The following APLF variants were observed in gnomAD, a reference collection of about 807,000 sequenced individuals.
The protein encoded by APLF is aprataxin and PNK-like factor.
Under a neutral mutation model 55.6 loss-of-function variants are expected in APLF, and 61 were observed. That is an observed-to-expected ratio of 1.10 (90% CI 0.89 to 1.36). The LOEUF is 1.36. APLF is among the 40% of genes most tolerant of loss of function. The pLI is 0.00. For synonymous variants in APLF, 207 were observed against 214.8 expected, an observed-to-expected ratio of 0.96 and a Z score of 0.32; for missense variants, 611 against 602.5, an observed-to-expected ratio of 1.01 and a Z score of -0.15.
chr2:68,520,097 T>C (rs1182890154), intron 5 of APLF, among the ~76,000 whole-genome samples: 1 of 152,100 alleles, frequency 6.6e-6, no homozygotes, highest in Non-Finnish European at 1.5e-5. Context: ...CATATGTTTG[T>C]TGTCCATTTG....
intron 2 of APLF, 108 bp downstream of exon 2, chr2:68,490,369 A>C (rs1676321683): frequency 1.3e-6 from 1 of 752,998 alleles, no homozygotes. Context: ...TTAATGTCAG[A>C]ATATACCCTT....
chr2:68,542,300 A>T (rs1670574004), intron 7 of APLF, among the ~76,000 whole-genome samples: 1 of 150,402 alleles, frequency 6.6e-6, no homozygotes, highest in Non-Finnish European at 1.5e-5. Context: ...AAATAGAAAA[A>T]TTGGACTTTT....
chr2:68,534,457 G>A (rs1199106718), intron 6 of APLF, among the ~76,000 whole-genome samples: 1 of 152,144 alleles, frequency 6.6e-6, no homozygotes, highest in Non-Finnish European at 1.5e-5. Flanking sequence ...AATTGTTCTA[G>A]GTGGAAGTTC....
intron 3 of APLF, among the ~76,000 whole-genome samples, chr2:68,509,665 C>T (rs1282831721): frequency 6.6e-6 from 1 of 152,072 alleles, no homozygotes; most frequent in Non-Finnish European, 1.5e-5. Flanking sequence ...TGTGGCGATT[C>T]CTCAGGGATC....
chr2:68,480,637 C>T (rs1675924652), intron 1 of APLF, among the ~76,000 whole-genome samples: 1 of 151,854 alleles, frequency 6.6e-6, no homozygotes, highest in African/African-American at 2.4e-5. Context: ...CTGGCTAGGA[C>T]TAATAGTACT....
At chr2:68,483,961 G>C (rs150568799) in intron 1 of APLF, among the ~76,000 whole-genome samples, 3,874 of 152,060 alleles carry the variant, frequency 0.025, 64 homozygotes, top group South Asian at 0.042. Context: ...TGAAATGAAA[G>C]GTACCACCCT....
intron 7 of APLF, among the ~76,000 whole-genome samples, chr2:68,539,921 A>G (rs939266368): frequency 1.3e-5 from 2 of 152,194 alleles, no homozygotes; most frequent in African/African-American, 4.8e-5. Flanking sequence ...AAAAAGAAAT[A>G]ACATGTAGAG....
At chr2:68,485,736 C>G in intron 1 of APLF, among the ~76,000 whole-genome samples, 1 of 151,748 alleles carries the variant, frequency 6.6e-6, no homozygotes, top group South Asian at 2.1e-4. Context: ...GCCTTACCCT[C>G]TGATAATACT....
chr2:68,489,597 T>G (rs1676292359), intron 1 of APLF, among the ~76,000 whole-genome samples: 2 of 152,234 alleles, frequency 1.3e-5, no homozygotes, highest in Non-Finnish European at 2.9e-5. Context: ...TAAAAAATGC[T>G]AATTTATTTC....
chr2:68,575,442 A>G (rs1671594805), intron 9 of APLF, among the ~76,000 whole-genome samples: 1 of 152,268 alleles, frequency 6.6e-6, no homozygotes, highest in African/African-American at 2.4e-5. Flanking sequence ...TTTAGATTTT[A>G]TTTAGAGTGA....
rs1676722349 is a variant in APLF, at chr2:68,501,519, A to G, written c.169-1212A>G. ...TTAAAAACCCAGTGATATTATGACAAAATGCCTATTTGACTTATGGAAAGA... is the reference window on the plus strand; with the variant it reads ...TTAAAAACCCAGTGATATTATGACAGAATGCCTATTTGACTTATGGAAAGA... On this transcript the variant is annotated intron_variant, in intron 2 of 9. Transcript: ENST00000303795. Among the ~76,000 whole-genome samples the G allele has an allele frequency of 2.6e-5, 4 of 152,168 alleles. No homozygotes were observed. In the South Asian group the frequency reaches 8.3e-4, roughly 32 times the overall value.
At chr2:68,479,391 A>C (rs1675882377) in intron 1 of APLF, among the ~76,000 whole-genome samples, 1 of 152,246 alleles carries the variant, frequency 6.6e-6, no homozygotes. Context: ...AATCAAATAA[A>C]TTATGGAAGA....
At chr2:68,482,565 G>A (rs527861598) in intron 1 of APLF, among the ~76,000 whole-genome samples, 13 of 152,280 alleles carry the variant, frequency 8.5e-5, no homozygotes, top group South Asian at 2.1e-4. Context: ...GGGTGCTGGT[G>A]TGCAGAGACC....
chr2:68,471,014 C>T (rs572218958), intron 1 of APLF, among the ~76,000 whole-genome samples: 1 of 152,346 alleles, frequency 6.6e-6, no homozygotes, highest in Admixed American at 6.5e-5. Flanking sequence ...TTCCTACCTG[C>T]TCCAACATAG....
intron 7 of APLF, among the ~76,000 whole-genome samples, chr2:68,541,720 A>G (rs2104011842): frequency 6.6e-6 from 1 of 152,330 alleles, no homozygotes; most frequent in African/African-American, 2.4e-5. Context: ...GAAGATGTTC[A>G]TACTATTCAA....
intron 7 of APLF, among the ~76,000 whole-genome samples, chr2:68,541,824 C>G (rs1174761336): frequency 1.3e-5 from 2 of 152,092 alleles, no homozygotes; most frequent in East Asian, 3.8e-4. Context: ...TGTGGGATCT[C>G]AAGTAGCCAA....
intron 8 of APLF, among the ~76,000 whole-genome samples, chr2:68,567,067 A>G (rs1216351042): frequency 6.6e-6 from 1 of 152,016 alleles, no homozygotes; most frequent in African/African-American, 2.4e-5. Flanking sequence ...TATATTATGG[A>G]AATATATATT....
intron 8 of APLF, among the ~76,000 whole-genome samples, chr2:68,551,222 T>C: frequency 6.6e-6 from 1 of 152,142 alleles, no homozygotes; most frequent in South Asian, 2.1e-4. Context: ...ATATTATTAT[T>C]GCCATTATAT....
chr2:68,502,972 T>G, intron 3 of APLF, 69 bp downstream of exon 3: 1 of 1,508,918 alleles, frequency 6.6e-7, no homozygotes, highest in South Asian at 1.2e-5. Context: ...CACAAATCCT[T>G]CGGTAGGAAC....
Sources: allele counts gnomAD v4.1 joint callset (sites outside exome capture counted in the v4.1 genomes callset), GRCh38; gene constraint gnomAD v4.1.1; transcripts MANE v1.5; gene names NCBI Gene and HGNC (gene_info 2026-07-23, HGNC 2026-07-21).